ENOPH1: variants seen among roughly 807,000 people sequenced by gnomAD.
The protein encoded by ENOPH1 is enolase-phosphatase 1.
Under a neutral mutation model 31.1 loss-of-function variants are expected in ENOPH1, and 14 were observed. The observed-to-expected ratio is 0.45, with a 90% CI of 0.30 to 0.70. The LOEUF is 0.70. ENOPH1 is among the 30% of genes least tolerant of loss of function. ENOPH1 has a pLI of 0.09. For synonymous variants in ENOPH1, 127 were observed against 123.2 expected (o/e 1.03, Z -0.21); for missense variants, 243 against 321.5 (o/e 0.76, Z 1.87).
At chr4:82,459,951 G>T in intron 5 of ENOPH1, 30 bp from the exon 6 acceptor site, 2 of 1,609,866 alleles carry the variant, frequency 1.2e-6, no homozygotes, top group African/African-American at 1.3e-5. Flanking sequence ...TGGTGTTTCT[G>T]ACACACACAC....
chr4:82,460,375 G>A lies in ENOPH1; in HGVS notation c.*255G>A, dbSNP rs1722615480. On this transcript the variant is annotated 3_prime_UTR_variant, in exon 6 of 6. Transcript: ENST00000273920. The stretch of plus-strand genomic sequence containing the variant: ...CAAATCATACTCTAACCCTTAGTGA[G>A]GGCAAAGTGTAGTTGGTAGAAGAAA... 3.2e-6 allele frequency: 1 copy of A among 313,676 alleles called. No homozygotes were observed. The highest frequency in any genetic ancestry group is 5.8e-6 in the Non-Finnish European group (1 of 172,188). The allele number at this position is 313,676 out of a possible 1,614,324, so 19.4% of individuals were successfully genotyped here.
chr4:82,456,664 G>A (rs1560468926), intron 4 of ENOPH1, among the ~76,000 whole-genome samples: 1 of 152,116 alleles, frequency 6.6e-6, no homozygotes, highest in Admixed American at 6.6e-5. Flanking sequence ...TAAAATGAAC[G>A]GTAGTGAAAA....
rs6855659 is a variant in ENOPH1 at position 82,449,658 on chromosome 4, T to C, written c.187-1385T>C. Among the ~76,000 whole-genome samples the C allele has an allele frequency of 6.6e-3, 1,008 of 152,252 alleles. 7 individuals are homozygous for C. Among genetic ancestry groups the C allele is most frequent in the African/African-American group, 0.023 (974 of 41,560 alleles). ...CAGTCACCTCCCACTAGGCCTCACC[T>C]CCAGCACTGAGGATTACATTTCAAT... On this transcript the variant is annotated intron_variant, in intron 2 of 5. Transcript: ENST00000273920.
intron 4 of ENOPH1, among the ~76,000 whole-genome samples, chr4:82,456,054 C>G (rs541708821): frequency 1.3e-5 from 2 of 151,842 alleles, no homozygotes; most frequent in African/African-American, 4.8e-5. Context: ...AATACAGATA[C>G]AACTTCTTTT....
intron 1 of ENOPH1, among the ~76,000 whole-genome samples, chr4:82,443,892 A>G (rs2110040881): frequency 6.6e-6 from 1 of 152,004 alleles, no homozygotes; most frequent in Admixed American, 6.5e-5. Flanking sequence ...TTTTTGAGAC[A>G]GAGTCTCCCT....
chr4:82,459,848 T>G, intron 5 of ENOPH1, 133 bp from the exon 6 acceptor site: 1 of 885,198 alleles, frequency 1.1e-6, no homozygotes, highest in South Asian at 1.7e-5. Context: ...GCCCATCTTT[T>G]AGCTTCAACA....
intron 2 of ENOPH1, among the ~76,000 whole-genome samples, chr4:82,448,288 G>A (rs1722251685): frequency 1.3e-5 from 2 of 150,186 alleles, no homozygotes; most frequent in South Asian, 4.2e-4. Flanking sequence ...TTGAGATGGA[G>A]TCTCACTTCG....
chr4:82,457,752 A>C (rs1722528596), intron 5 of ENOPH1, among the ~76,000 whole-genome samples: 1 of 152,212 alleles, frequency 6.6e-6, no homozygotes, highest in Admixed American at 6.5e-5. Flanking sequence ...GATTAAATGC[A>C]CAGTTCCATT....
At position 82,460,222 on chromosome 4, in the gene ENOPH1, C is replaced by T. The variant is rs1175506311; in HGVS notation, c.*102C>T. ...GTAACTTACTTAAAAAACATATGTA[C>T]ACATATGTATGCAAGTATGTATATA... On this transcript the variant is annotated 3_prime_UTR_variant, in exon 6 of 6. Coordinates refer to ENST00000273920, the MANE Select transcript of ENOPH1 (RefSeq NM_021204.5). The T allele has an allele frequency of 1.3e-5, 15 of 1,159,786 alleles. No homozygotes were observed. Among genetic ancestry groups the T allele is most frequent in the Non-Finnish European group, 1.8e-5 (14 of 793,358 alleles). 71.8% of individuals were successfully genotyped at this position (1,159,786 alleles called of 1,614,324 possible).
At chr4:82,431,348 C>G (rs1472907677) in intron 1 of ENOPH1, among the ~76,000 whole-genome samples, 2 of 152,268 alleles carry the variant, frequency 1.3e-5, no homozygotes, top group Non-Finnish European at 2.9e-5. Flanking sequence ...AATGGAAAGA[C>G]TGAAGTGTCA....
chr4:82,443,589 G>A (rs546686642), intron 1 of ENOPH1, among the ~76,000 whole-genome samples: 16 of 148,060 alleles, frequency 1.1e-4, no homozygotes, highest in African/African-American at 3.2e-4. Context: ...TTGGCCGGGC[G>A]TGGTGGCGGG....
intron 4 of ENOPH1, among the ~76,000 whole-genome samples, chr4:82,455,602 A>G (rs1032007104): frequency 2.0e-5 from 3 of 148,220 alleles, no homozygotes; most frequent in Non-Finnish European, 4.4e-5. Flanking sequence ...AACATGGTGA[A>G]ACCCCGTCTC....
chr4:82,434,337 A>G (rs766619449), intron 1 of ENOPH1, among the ~76,000 whole-genome samples: 28 of 152,142 alleles, frequency 1.8e-4, no homozygotes, highest in Non-Finnish European at 3.7e-4. Flanking sequence ...TAATCCCAGC[A>G]CTTTGGGACG....
At position 82,456,937 on chromosome 4, in the gene ENOPH1, C is replaced by G. The variant is rs1722504413; in HGVS notation, c.545C>G (p.Thr182Ser). ...CAGCTTGTTGATGGTCACTTTGATA[C>G]CAAGATTGGACACAAAGTAGAGAGT... The part of the protein sequence containing the change: ...ILELVDGHFD[T>S]KIGHKVESES... The change falls in exon 5 of 6, where the codon ACC (threonine) becomes AGC (serine). Residue 182 changes from threonine (T) to serine (S), a missense_variant. By Grantham distance (58) the Thr-to-Ser change is moderately conservative. Coordinates refer to ENST00000273920, the MANE Select transcript of ENOPH1 (RefSeq NM_021204.5). 1.2e-6 allele frequency: 2 copies of G among 1,613,910 alleles called. No individual in the cohort carries two copies. The highest frequency in any genetic ancestry group is 1.7e-6 in the Non-Finnish European group (2 of 1,179,908).
At chr4:82,449,911 C>T (rs1230295052) in intron 2 of ENOPH1, among the ~76,000 whole-genome samples, 1 of 152,200 alleles carries the variant, frequency 6.6e-6, no homozygotes, top group East Asian at 1.9e-4. Flanking sequence ...CTCTTCTCCC[C>T]ACCAGTCATC....
Position 82,451,149 on chromosome 4 carries a change from G to T in ENOPH1, c.293G>T (p.Cys98Phe). The change falls in exon 3 of 6, where the codon TGC becomes TTC. Residue 98 changes from cysteine (C) to phenylalanine (F), a missense_variant. By Grantham distance (205) the Cys-to-Phe change is radical (BLOSUM62 -2). Transcript: ENST00000273920. ...ATCCAGGCCGTGGTAGATAATGTGT[G>T]CTGGCAGATGTCCCTGGATCGAAAG... ...QMIQAVVDNV[C>F]WQMSLDRKTT... 1 of 1,614,232 alleles carries T rather than the reference G, an allele frequency of 6.2e-7. No individual in the cohort carries two copies. Among genetic ancestry groups the T allele is most frequent in the Non-Finnish European group, 8.5e-7 (1 of 1,180,046 alleles).
intron 1 of ENOPH1, among the ~76,000 whole-genome samples, chr4:82,436,493 C>T (rs1363080437): frequency 6.6e-6 from 1 of 151,970 alleles, no homozygotes; most frequent in Admixed American, 6.6e-5. Flanking sequence ...CAAGACCAGC[C>T]TGCGCAATGT....
At chr4:82,435,012 A>G (rs1721871143) in intron 1 of ENOPH1, among the ~76,000 whole-genome samples, 1 of 152,082 alleles carries the variant, frequency 6.6e-6, no homozygotes, top group African/African-American at 2.4e-5. Flanking sequence ...AGCAGAGCCC[A>G]GTTTTCCTTA....
chr4:82,458,299 G>A (rs1722542345), intron 5 of ENOPH1, among the ~76,000 whole-genome samples: 1 of 152,250 alleles, frequency 6.6e-6, no homozygotes, highest in Admixed American at 6.5e-5. Context: ...TTGAGGTCAG[G>A]AATTCAAGAC....
Sources: allele counts gnomAD v4.1 joint callset (sites outside exome capture counted in the v4.1 genomes callset), GRCh38; gene constraint gnomAD v4.1.1; transcripts MANE v1.5; gene names NCBI Gene and HGNC (gene_info 2026-07-23, HGNC 2026-07-21).